The following PACSIN2 variants were observed in gnomAD, a reference collection of about 807,000 sequenced individuals.
PACSIN2 encodes protein kinase C and casein kinase substrate in neurons protein 2.
Under a neutral mutation model 63.8 loss-of-function variants are expected in PACSIN2, and 25 were observed. The observed-to-expected ratio is 0.39, with a 90% CI of 0.29 to 0.55. The LOEUF is 0.55. Ranked by LOEUF, PACSIN2 falls within the 20% of genes least tolerant of loss-of-function variation. The pLI is 0.62. For synonymous variants in PACSIN2, 255 were observed against 256.2 expected (o/e 1.00, Z 0.05); for missense variants, 518 against 646.9 (o/e 0.80, Z 2.16).
At chr22:42,954,529 G>A (rs984206868) in intron 1 of PACSIN2, among the ~76,000 whole-genome samples, 2 of 152,106 alleles carry the variant, frequency 1.3e-5, no homozygotes, top group Non-Finnish European at 2.9e-5. Context: ...CTGAAGCTTG[G>A]ACTACAAGTA....
chr22:42,964,014 C>T (rs1384181130), intron 1 of PACSIN2, among the ~76,000 whole-genome samples: 1 of 152,202 alleles, frequency 6.6e-6, no homozygotes, highest in Admixed American at 6.5e-5. Context: ...CCATCACCAC[C>T]GTCAAGGGTA....
intron 2 of PACSIN2, among the ~76,000 whole-genome samples, chr22:42,903,581 C>T (rs747899814): frequency 2.0e-5 from 3 of 152,212 alleles, no homozygotes; most frequent in Non-Finnish European, 4.4e-5. Flanking sequence ...CACCACTGGG[C>T]TCCCAACTTG....
chr22:42,881,602 CTAGG>C (rs1189857153), intron 7 of PACSIN2, among the ~76,000 whole-genome samples: 2 of 152,206 alleles, frequency 1.3e-5, no homozygotes, highest in African/African-American at 4.8e-5. Context: ...AATCCAAGGG[CTAGG>C]TGAGTCCTGA....
At chr22:42,883,301 A>G (rs1342863886) in intron 6 of PACSIN2, among the ~76,000 whole-genome samples, 1 of 152,212 alleles carries the variant, frequency 6.6e-6, no homozygotes, top group African/African-American at 2.4e-5. Context: ...CCCACTTTAC[A>G]AGACTATCAT....
chr22:42,895,216 A>G (rs577601499), intron 2 of PACSIN2, among the ~76,000 whole-genome samples: 1 of 152,330 alleles, frequency 6.6e-6, no homozygotes, highest in South Asian at 2.1e-4. Flanking sequence ...GTCGGAAGTG[A>G]GCATTTTCAC....
At chr22:42,986,766 T>C (rs371799215) in intron 1 of PACSIN2, among the ~76,000 whole-genome samples, 9 of 152,168 alleles carry the variant, frequency 5.9e-5, no homozygotes, top group Non-Finnish European at 7.4e-5. Context: ...GCAAAGACCC[T>C]AAGAAGGGGC....
chr22:42,943,217 G>A (rs1056653804), intron 1 of PACSIN2, among the ~76,000 whole-genome samples: 8 of 151,778 alleles, frequency 5.3e-5, no homozygotes, highest in African/African-American at 1.5e-4. Flanking sequence ...TAGAAATATC[G>A]TTATTTTTGT....
Position 42,909,612 on chromosome 22 carries a change from C to T in PACSIN2, c.60+2409G>A, listed in dbSNP as rs1438412378. 1.5e-5 allele frequency: 7 copies of T among 470,246 alleles called. No individual in the cohort carries two copies. In the East Asian group the frequency reaches 4.2e-4, roughly 28 times the overall value. The allele number at this position is 470,246 out of a possible 1,614,324, so 29.1% of individuals were successfully genotyped here. A position where few individuals can be genotyped will look rare whatever the true frequency, so the allele number is the denominator to read the frequency against. The stretch of plus-strand genomic sequence containing the variant: ...AGCATCACAAGCTGAGCAGAGCCCG[C>T]CTGAGCATTTTCAGGCAAAAGGAGA... On this transcript the variant is annotated intron_variant, in intron 2 of 10. Coordinates refer to ENST00000263246, the MANE Select transcript of PACSIN2 (RefSeq NM_001184970.3).
chr22:42,986,122 A>G (rs941595074), intron 1 of PACSIN2, among the ~76,000 whole-genome samples: 2 of 152,218 alleles, frequency 1.3e-5, no homozygotes, highest in Non-Finnish European at 2.9e-5. Context: ...ATTAACACAG[A>G]AACAGTAAGC....
chr22:42,877,108 T>A, intron 8 of PACSIN2, 98 bp from the exon 9 acceptor site: 1 of 1,352,164 alleles, frequency 7.4e-7, no homozygotes, highest in South Asian at 1.2e-5. Context: ...ACAAATCAGC[T>A]CCTCCTGTGA....
intron 1 of PACSIN2, among the ~76,000 whole-genome samples, chr22:43,009,880 T>A (rs1299739682): frequency 4.4e-5 from 6 of 137,728 alleles, no homozygotes; most frequent in Admixed American, 1.5e-4. Flanking sequence ...TTTTTTTTTT[T>A]TTTTTTGAGA....
chr22:42,930,310 T>C (rs1932759343), intron 1 of PACSIN2, among the ~76,000 whole-genome samples: 2 of 152,216 alleles, frequency 1.3e-5, no homozygotes, highest in African/African-American at 4.8e-5. Flanking sequence ...CTGTGCTCTC[T>C]GCCCCAATTC....
chr22:42,904,297 T>C (rs1330520831), intron 2 of PACSIN2, among the ~76,000 whole-genome samples: 2 of 152,218 alleles, frequency 1.3e-5, no homozygotes, highest in Non-Finnish European at 2.9e-5. Context: ...CCGCCCTGTG[T>C]GCCATCTCCC....
At chr22:42,885,260 G>A (rs563764729) in intron 5 of PACSIN2, among the ~76,000 whole-genome samples, 14 of 152,260 alleles carry the variant, frequency 9.2e-5, no homozygotes, top group East Asian at 7.7e-4. Flanking sequence ...GATGTGCCTC[G>A]AGGTCAATGA....
At chr22:42,884,658 T>G (rs1403845227) in intron 5 of PACSIN2, 97 bp from the exon 6 acceptor site, 3 of 899,132 alleles carry the variant, frequency 3.3e-6, no homozygotes, top group Non-Finnish European at 5.1e-6. Flanking sequence ...AGATTCCAAA[T>G]GCAAAGAAAA....
intron 1 of PACSIN2, among the ~76,000 whole-genome samples, chr22:43,001,568 G>A (rs762331945): frequency 5.3e-5 from 8 of 152,256 alleles, no homozygotes; most frequent in East Asian, 1.9e-4. Flanking sequence ...GAGCCCTGAA[G>A]TGTGGGCACA....
At chr22:42,896,773 A>C (rs905172515) in intron 2 of PACSIN2, among the ~76,000 whole-genome samples, 1 of 152,240 alleles carries the variant, frequency 6.6e-6, no homozygotes, top group South Asian at 2.1e-4. Context: ...CCCAGCACTT[A>C]GTATTGCCAG....
chr22:43,013,848 C>G (rs753267031), intron 1 of PACSIN2, among the ~76,000 whole-genome samples: 2 of 152,140 alleles, frequency 1.3e-5, no homozygotes, highest in South Asian at 2.1e-4. Flanking sequence ...CAGCCTACCC[C>G]CTTAACCACA....
intron 1 of PACSIN2, among the ~76,000 whole-genome samples, chr22:42,987,494 C>G (rs4820501): frequency 1.6e-4 from 11 of 68,046 alleles, no homozygotes; most frequent in Non-Finnish European, 2.8e-4. Flanking sequence ...ACACACACAC[C>G]CATGGCACCA....
Sources: allele counts gnomAD v4.1 joint callset (sites outside exome capture counted in the v4.1 genomes callset), GRCh38; gene constraint gnomAD v4.1.1; transcripts MANE v1.5; gene names NCBI Gene and HGNC (gene_info 2026-07-23, HGNC 2026-07-21).